PLCH2: variants seen among roughly 807,000 people sequenced by gnomAD.
PLCH2 encodes the protein phospholipase C eta 2.
A neutral mutation model predicts 134.7 loss-of-function variants in PLCH2; 98 were observed. The ratio of observed to expected loss-of-function variants is 0.73; its 90% CI spans 0.62 to 0.86. The LOEUF (loss-of-function observed/expected upper bound fraction) is 0.86. PLCH2 is among the 40% of genes least tolerant of loss of function. PLCH2 has a pLI of 0.00. For missense variants in PLCH2, 1,994 were observed against 1,986.6 expected, an observed-to-expected ratio of 1.00 and a Z score of -0.07; for synonymous variants, 974 against 827.5, an observed-to-expected ratio of 1.18 and a Z score of -3.04.
chr1:2,496,539 G>A (rs1024046923), intron 13 of PLCH2, 68 bp from the exon 14 acceptor site: 36 of 1,317,912 alleles, frequency 2.7e-5, no homozygotes, highest in Middle Eastern at 2.3e-4. Flanking sequence ...CCTGGAGCCC[G>A]TCTCACGGAG....
chr1:2,505,469 G>A lies in PLCH2; in HGVS notation c.*256G>A, dbSNP rs376161526. 1.5e-3 allele frequency: 806 copies of A among 527,274 alleles called. 2 individuals carry two copies. Among genetic ancestry groups the A allele is most frequent in the Non-Finnish European group, 1.7e-3 (502 of 301,812 alleles). 32.7% of individuals were successfully genotyped at this position (527,274 alleles called of 1,614,324 possible). The stretch of plus-strand genomic sequence containing the variant: ...CGGCGTTTTAGGATCTGTACATAGA[G>A]AAATATTTAAATTTTTAGAAGCAAA... On this transcript the variant is annotated 3_prime_UTR_variant, in exon 22 of 22. Transcript: ENST00000378486.
intron 1 of PLCH2, among the ~76,000 whole-genome samples, chr1:2,469,127 G>A (rs879571879): frequency 6.6e-6 from 1 of 152,196 alleles, no homozygotes; most frequent in African/African-American, 2.4e-5. Context: ...TCCTGGGCAC[G>A]TTGTCCCTGG....
intron 8 of PLCH2, 56 bp from the exon 9 acceptor site, chr1:2,489,150 CT>C (rs1477661237): frequency 3.4e-6 from 5 of 1,484,706 alleles, no homozygotes; most frequent in African/African-American, 1.4e-5. Context: ...AGAGGTGGGG[CT>C]TACCCATCCT....
At chr1:2,484,311 C>G (rs956825955) in intron 4 of PLCH2, 137 bp from the exon 5 acceptor site, 4 of 807,470 alleles carry the variant, frequency 5.0e-6, no homozygotes, top group Non-Finnish European at 7.8e-6. Context: ...GATTGGAGGC[C>G]GTGACAAGGG....
At chr1:2,473,593 G>C (rs1180921144), upstream of PLCH2, among the ~76,000 whole-genome samples, 2 of 152,316 alleles carry the variant, frequency 1.3e-5, no homozygotes, top group East Asian at 3.9e-4. Flanking sequence ...GGTGGCCTTA[G>C]CTGCCTCTGT....
chr1:2,500,137 C>G (rs1224420518), intron 20 of PLCH2: 1 of 211,640 alleles, frequency 4.7e-6, no homozygotes, highest in Non-Finnish European at 9.6e-6. Flanking sequence ...ACGTGGAAGG[C>G]AGCTGCCCGG....
intron 8 of PLCH2, 35 bp from the exon 9 acceptor site, chr1:2,489,172 G>A: frequency 6.2e-7 from 1 of 1,603,432 alleles, no homozygotes; most frequent in Admixed American, 1.7e-5. Flanking sequence ...CTGAGGCCCT[G>A]GCCTCATCCT....
intron 2 of PLCH2, among the ~76,000 whole-genome samples, chr1:2,461,440 C>G (rs187101200): frequency 6.6e-6 from 1 of 152,156 alleles, no homozygotes; most frequent in Admixed American, 6.5e-5. Flanking sequence ...GGGCTGAGCT[C>G]GGTCCATGTG....
At chr1:2,437,650 C>G (rs1184543455) in intron 2 of PLCH2, among the ~76,000 whole-genome samples, 1 of 152,230 alleles carries the variant, frequency 6.6e-6, no homozygotes, top group Non-Finnish European at 1.5e-5. Context: ...TCGCCTGCTC[C>G]CTGCCTCTCT....
In PLCH2 at chr1:2,439,401, G is replaced by A. The variant is rs957129505; in HGVS notation, c.115+8772G>A. 8.6e-5 allele frequency among the ~76,000 whole-genome samples: 13 copies of A among 151,938 alleles called. No homozygotes were observed. The highest frequency in any genetic ancestry group is 2.9e-4 in the African/African-American group (12 of 41,346). ...GGGCTGCCCCCGGGTTCTGGGCCCT[G>A]TTCATGGGAAGCCAAGCCAGGGGCA... On this transcript the variant is annotated intron_variant, in intron 2 of 3. Transcript: ENST00000609981. This position sits in a 1 kb window ranked among gnomAD's most constrained non-coding sequence, Gnocchi z 4.7.
Position 2,478,536 on chromosome 1 carries a change from C to A in PLCH2, c.185C>A (p.Ser62Tyr). 6.2e-7 allele frequency: 1 copy of A among 1,612,810 alleles called. No individual in the cohort carries two copies. Among genetic ancestry groups the A allele is most frequent in the Admixed American group, 1.7e-5 (1 of 60,008 alleles). The change falls in exon 2 of 22, where the codon TCC becomes TAC. Residue 62 changes from serine (S) to tyrosine (Y), a missense_variant. Around this residue, in one of 2 missense-constraint regions of PLCH2, gnomAD observed 1,094 missense variants for 1,234.3 expected, o/e 0.89. Coordinates refer to ENST00000378486, the MANE Select transcript of PLCH2 (RefSeq NM_014638.4). The part of the protein sequence containing the change: ...GMQMVKLRGG[S>Y]KGLVRFYYLD... Reference sequence around the variant, plus strand: ...CAGATGGTGAAGCTGCGTGGCGGCTCCAAGGGCCTGGTCCGCTTCTACTAC... The same window carrying A: ...CAGATGGTGAAGCTGCGTGGCGGCTACAAGGGCCTGGTCCGCTTCTACTAC...
At chr1:2,420,390 G>A in the PLCH2 span, among the ~76,000 whole-genome samples, 1 of 152,284 alleles carries the variant, frequency 6.6e-6, no homozygotes, top group South Asian at 2.1e-4. Context: ...GGGGCCTGTG[G>A]GGCCCAGTGA....
At chr1:2,487,124 C>T (rs1344426248) in intron 6 of PLCH2, 49 bp from the exon 7 acceptor site, 26 of 1,519,812 alleles carry the variant, frequency 1.7e-5, no homozygotes, top group African/African-American at 8.3e-5. Flanking sequence ...GGTCATGAGA[C>T]GAGGCTGGTG....
At chr1:2,455,660 G>A (rs561132934) in intron 2 of PLCH2, among the ~76,000 whole-genome samples, 173 of 152,306 alleles carry the variant, frequency 1.1e-3, no homozygotes, top group Middle Eastern at 3.4e-3. Context: ...GGCAGGAGCA[G>A]TCAGAAGCTT....
At chr1:2,469,405 C>T (rs1641219552) in intron 1 of PLCH2, among the ~76,000 whole-genome samples, 1 of 152,228 alleles carries the variant, frequency 6.6e-6, no homozygotes, top group African/African-American at 2.4e-5. Flanking sequence ...GCAGAACAGT[C>T]CTTACAGACT....
intron 8 of PLCH2, 70 bp downstream of exon 8, chr1:2,487,788 C>T: frequency 1.4e-6 from 2 of 1,410,738 alleles, no homozygotes; most frequent in East Asian, 2.3e-5. Flanking sequence ...TCTAGCTCTT[C>T]CTGCCACACC....
intron 1 of PLCH2, 111 bp downstream of exon 1, chr1:2,476,823 GCAC>G (rs1313802315): frequency 7.0e-6 from 8 of 1,140,730 alleles, no homozygotes; most frequent in Non-Finnish European, 8.4e-6. Flanking sequence ...ATCCCATCCT[GCAC>G]TCGCCTCCCC....
chr1:2,487,279 G>T lies in PLCH2; in HGVS notation c.1017G>T (p.Ser339=). 1 of 1,613,734 alleles carries T rather than the reference G, an allele frequency of 6.2e-7. No homozygotes were observed. The highest frequency in any genetic ancestry group is 1.1e-5 in the South Asian group (1 of 91,032). Residue 339 remains serine, a synonymous_variant, in exon 7 of 22, where the codon TCG becomes TCT. Coordinates refer to ENST00000378486, the MANE Select transcript of PLCH2 (RefSeq NM_014638.4). ...CGCTGAGCCACTACTTCATCACCTC[G>T]TCCCACAACACCTACCTCGTGGGTG... ...TQPLSHYFIT[S]SHNTYLVGDQ...
chr1:2,498,005 A>G lies in PLCH2; in HGVS notation c.2224+396A>G, dbSNP rs1050370653. On this transcript the variant is annotated intron_variant, in intron 16 of 21. Coordinates refer to ENST00000378486, the MANE Select transcript of PLCH2 (RefSeq NM_014638.4). This position sits in a 1 kb window ranked among gnomAD's most constrained non-coding sequence, Gnocchi z 5.4. Reference sequence around the variant, plus strand: ...AGGAACCTCCTCCCGGCTCTCAGACACCTCTGTTTTGTCTGCTGTGGATGA... The same window carrying G: ...AGGAACCTCCTCCCGGCTCTCAGACGCCTCTGTTTTGTCTGCTGTGGATGA... The G allele has an allele frequency of 2.0e-5, 5 of 244,250 alleles. No individual in the cohort carries two copies. Among genetic ancestry groups the G allele is most frequent in the Middle Eastern group, 1.3e-3 (1 of 760 alleles). The allele number at this position is 244,250 out of a possible 1,614,324, so 15.1% of individuals were successfully genotyped here. A position where few individuals can be genotyped will look rare whatever the true frequency, so the allele number is the denominator to read the frequency against.
Sources: gnomAD v4.1 joint callset for allele counts (sites outside exome capture counted in the v4.1 genomes callset) on GRCh38, gnomAD v4.1.1 for gene constraint, gnomAD v4.1.1 regional missense constraint, Gnocchi (gnomAD v3.1) non-coding constraint, MANE v1.5 for transcripts, NCBI Gene and HGNC (gene_info 2026-07-23, HGNC 2026-07-21) for gene names.